The following CTNNA3 variants were observed in gnomAD, a reference collection of about 807,000 sequenced individuals.
CTNNA3 encodes catenin alpha-3.
CTNNA3 carries 76 observed loss-of-function variants against 95.7 expected under a neutral mutation model. The ratio of observed to expected loss-of-function variants is 0.79; its 90% confidence interval spans 0.66 to 0.96. The LOEUF (loss-of-function observed/expected upper bound fraction) is 0.96, where lower values mean the gene tolerates loss of function less well. Among genes scored for constraint, CTNNA3 ranks in the 40% least tolerant of loss-of-function variants. The pLI, the probability that CTNNA3 is intolerant of heterozygous loss-of-function variation, is 0.00. For synonymous variants in CTNNA3, 431 were observed against 374.4 expected (o/e 1.15, Z -1.74); for missense variants, 1,191 against 1,089.8 (o/e 1.09, Z -1.31).
At chr10:66,640,130 G>A (rs1238257254) in intron 9 of CTNNA3, among the ~76,000 whole-genome samples, 6 of 152,154 alleles carry the variant, frequency 3.9e-5, no homozygotes, top group Non-Finnish European at 8.8e-5. Flanking sequence ...CAGTGTGGCA[G>A]ATAAACTCAC....
At chr10:66,490,761 C>T (rs1157538855) in intron 11 of CTNNA3, among the ~76,000 whole-genome samples, 1 of 152,078 alleles carries the variant, frequency 6.6e-6, no homozygotes. Context: ...GTGTGTAGTT[C>T]GCATCTTCTC....
chr10:66,252,218 GTA>G (rs1336307638), intron 13 of CTNNA3, among the ~76,000 whole-genome samples: 4 of 152,078 alleles, frequency 2.6e-5, no homozygotes, highest in African/African-American at 7.2e-5. Context: ...GCTTGACAAC[GTA>G]TGTTTTGTTT....
chr10:66,865,487 G>A (rs779287370), intron 7 of CTNNA3, among the ~76,000 whole-genome samples: 7 of 151,834 alleles, frequency 4.6e-5, no homozygotes, highest in Non-Finnish European at 8.8e-5. Context: ...TTTTCTTGCT[G>A]AATATTCTCG....
intron 11 of CTNNA3, among the ~76,000 whole-genome samples, chr10:66,474,144 T>C (rs1369212036): frequency 6.6e-6 from 1 of 152,104 alleles, no homozygotes; most frequent in Non-Finnish European, 1.5e-5. Flanking sequence ...CACCCGTCTG[T>C]GCAATAGAAC....
chr10:67,613,587 A>C (rs1261414808), intron 2 of CTNNA3, among the ~76,000 whole-genome samples: 2 of 152,144 alleles, frequency 1.3e-5, no homozygotes, highest in African/African-American at 4.8e-5. Context: ...TGATCAGTTC[A>C]ATGTAATCTA....
At chr10:66,631,178 T>C (rs985727253) in intron 9 of CTNNA3, among the ~76,000 whole-genome samples, 8 of 152,172 alleles carry the variant, frequency 5.3e-5, no homozygotes, top group African/African-American at 1.9e-4. Flanking sequence ...GTCTCTGATA[T>C]TAGTTTTGCT....
At chr10:67,549,081 A>G (rs942951351) in intron 3 of CTNNA3, among the ~76,000 whole-genome samples, 14 of 152,204 alleles carry the variant, frequency 9.2e-5, no homozygotes, top group Admixed American at 1.3e-4. Flanking sequence ...GGACCTTTGA[A>G]TAAGTTTTTT....
intron 5 of CTNNA3, among the ~76,000 whole-genome samples, chr10:67,378,176 A>G (rs1254320771): frequency 1.3e-5 from 2 of 152,102 alleles, no homozygotes; most frequent in African/African-American, 4.8e-5. Context: ...TTACAGTGAT[A>G]TTTGTTCCAA....
intron 7 of CTNNA3, among the ~76,000 whole-genome samples, chr10:66,869,097 T>A (rs1243779186): frequency 2.6e-5 from 4 of 152,214 alleles, no homozygotes; most frequent in Non-Finnish European, 5.9e-5. Flanking sequence ...TAGTTTGACA[T>A]GTAACAAATA....
chr10:66,944,050 T>C (rs1486678442), intron 7 of CTNNA3, among the ~76,000 whole-genome samples: 1 of 152,114 alleles, frequency 6.6e-6, no homozygotes, highest in Non-Finnish European at 1.5e-5. Flanking sequence ...GAAAATAAGA[T>C]AACAAGGATG....
At chr10:67,078,372 G>C (rs1191702311) in intron 7 of CTNNA3, among the ~76,000 whole-genome samples, 1 of 152,120 alleles carries the variant, frequency 6.6e-6, no homozygotes, top group African/African-American at 2.4e-5. Context: ...GTGAATATTT[G>C]TTCTGTAAGG....
chr10:66,332,925 G>T (rs902736996), intron 12 of CTNNA3, among the ~76,000 whole-genome samples: 7 of 152,042 alleles, frequency 4.6e-5, no homozygotes, highest in Non-Finnish European at 8.8e-5. Flanking sequence ...GGTCTATTCT[G>T]AAATTCAACT....
chr10:66,754,200 AGAATT>A (rs1378933808), intron 9 of CTNNA3, among the ~76,000 whole-genome samples: 8 of 152,216 alleles, frequency 5.3e-5, no homozygotes, highest in Admixed American at 6.5e-5. Flanking sequence ...TCAGTGGAAT[AGAATT>A]GAATCTTGAA....
At chr10:67,558,686 T>C (rs1434945514) in intron 3 of CTNNA3, among the ~76,000 whole-genome samples, 2 of 152,204 alleles carry the variant, frequency 1.3e-5, no homozygotes, top group Non-Finnish European at 2.9e-5. Flanking sequence ...AGGGCAAGCA[T>C]TGCCTCACTC....
intron 11 of CTNNA3, among the ~76,000 whole-genome samples, chr10:66,493,706 C>A (rs187579429): frequency 6.9e-6 from 1 of 145,084 alleles, no homozygotes; most frequent in South Asian, 2.2e-4. Context: ...CCCGGGTTCA[C>A]GCCATTCTCC....
chr10:66,911,735 C>T (rs1397196193), intron 7 of CTNNA3, among the ~76,000 whole-genome samples: 1 of 152,160 alleles, frequency 6.6e-6, no homozygotes, highest in Non-Finnish European at 1.5e-5. Flanking sequence ...ACGTGAGTCT[C>T]TTAAGCCTTT....
At position 66,233,096 on chromosome 10, in the gene CTNNA3, CTTGTAGTGAG is replaced by C. The variant is rs772696399; in HGVS notation, c.1884+47364_1884+47373del. On this transcript the variant is annotated intron_variant, in intron 13 of 17. Coordinates refer to ENST00000433211, the MANE Select transcript of CTNNA3 (RefSeq NM_013266.4). The stretch of plus-strand genomic sequence containing the variant: ...AATGGCGTGAACCCGGGAGGCGGAG[CTTGTAGTGAG>C]CCGAGATCGCGCCACTGCACTCCAG... 3.9e-3 allele frequency among the ~76,000 whole-genome samples: 513 copies of C among 131,228 alleles called. 1 individual carries two copies. Among genetic ancestry groups the C allele is most frequent in the Non-Finnish European group, 5.2e-3 (337 of 65,222 alleles). 86.1% of individuals were successfully genotyped at this position (131,228 alleles called of 152,430 possible).
chr10:66,508,839 A>G (rs61869361), intron 11 of CTNNA3, among the ~76,000 whole-genome samples: 50,986 of 151,974 alleles, frequency 0.34, 10,100 homozygotes, highest in Non-Finnish European at 0.43. Flanking sequence ...TAGTGCTGCA[A>G]TAAACATGGG....
At chr10:67,068,331 A>G (rs1025289366) in intron 7 of CTNNA3, among the ~76,000 whole-genome samples, 3 of 152,174 alleles carry the variant, frequency 2.0e-5, no homozygotes, top group African/African-American at 7.2e-5. Context: ...GGTAAAGGGA[A>G]TAATAAAAGA....
Sources: allele counts gnomAD v4.1 joint callset (sites outside exome capture counted in the v4.1 genomes callset), GRCh38; gene constraint gnomAD v4.1.1; transcripts MANE v1.5; gene names NCBI Gene and HGNC (gene_info 2026-07-23, HGNC 2026-07-21).